FXN: variants seen among roughly 807,000 people sequenced by gnomAD.
FXN encodes frataxin.
A neutral mutation model predicts 22.4 loss-of-function variants in FXN; 14 were observed. The observed-to-expected ratio is 0.62, with a 90% CI of 0.41 to 0.98. The LOEUF (loss-of-function observed/expected upper bound fraction) is 0.98, where lower values mean the gene tolerates loss of function less well. Ranked by LOEUF, FXN falls within the 50% of genes least tolerant of loss-of-function variation. FXN has a pLI of 0.00. For synonymous variants in FXN, 120 were observed against 114.1 expected (o/e 1.05, Z -0.33); for missense variants, 267 against 268.4 (o/e 0.99, Z 0.04).
chr9:69,071,365 CT>C (rs1831385017), intron 4 of FXN: 2 of 501,058 alleles, frequency 4.0e-6, no homozygotes, highest in Non-Finnish European at 8.0e-6. Flanking sequence ...GCTTCCCTTC[CT>C]GGTGACCTCA....
intron 3 of FXN, among the ~76,000 whole-genome samples, chr9:69,062,809 G>A (rs1832100450): frequency 6.6e-6 from 1 of 151,896 alleles, no homozygotes; most frequent in African/African-American, 2.4e-5. Flanking sequence ...CTGCCCAGCA[G>A]TGTGAATATA....
rs967356637 is a variant in FXN at position 69,036,233 on chromosome 9, G to A, written c.165+286G>A. 5 of 227,008 alleles carry A rather than the reference G, an allele frequency of 2.2e-5. No individual in the cohort carries two copies. The East Asian group carries it at 5.1e-4, about 23-fold the overall frequency. 14.1% of individuals were successfully genotyped at this position (227,008 alleles called of 1,614,324 possible). On this transcript the variant is annotated intron_variant, in intron 1 of 4. Coordinates refer to ENST00000484259, the MANE Select transcript of FXN (RefSeq NM_000144.5). ...ACGGGCGAAGGCAGGGCAGGCTGGT[G>A]GAGGGGACCGGTTCCGAGGGGTGTG...
At chr9:69,064,003 A>G (rs1587827673) in intron 3 of FXN, among the ~76,000 whole-genome samples, 2 of 152,184 alleles carry the variant, frequency 1.3e-5, no homozygotes, top group African/African-American at 2.4e-5. Context: ...TGTGTTTGCA[A>G]AAGTGTGTTA....
chr9:69,038,747 G>A (rs1464217422), intron 1 of FXN, among the ~76,000 whole-genome samples: 1 of 152,078 alleles, frequency 6.6e-6, no homozygotes, highest in Non-Finnish European at 1.5e-5. Context: ...GAGCCCAGGA[G>A]GCAGAGGTTG....
At chr9:69,060,234 G>A (rs1832043308) in intron 3 of FXN, among the ~76,000 whole-genome samples, 1 of 152,158 alleles carries the variant, frequency 6.6e-6, no homozygotes, top group Non-Finnish European at 1.5e-5. Flanking sequence ...AGCTGGGCGT[G>A]GTGGTGGGCG....
In FXN at chr9:69,075,931, T is replaced by C. The variant is rs1832359274; in HGVS notation, c.*3169T>C. On this transcript the variant is annotated 3_prime_UTR_variant, in exon 5 of 5. Transcript: ENST00000484259. ...TGTTGCCCAGGCTGGTCTCTAACAC[T>C]TAGGCTCAAGTGATCCACCTGCCTC... The C allele has an allele frequency of 1.3e-6, 1 of 772,150 alleles. No individual in the cohort carries two copies. Among genetic ancestry groups the C allele is most frequent in the African/African-American group, 1.9e-5 (1 of 52,554 alleles). The allele number at this position is 772,150 out of a possible 1,614,324, so 47.8% of individuals were successfully genotyped here.
intron 1 of FXN, among the ~76,000 whole-genome samples, chr9:69,041,260 T>G (rs1831652652): frequency 6.6e-6 from 1 of 152,230 alleles, no homozygotes. Flanking sequence ...CAAGGTATTC[T>G]GCTGTATCTG....
rs143495270 is a variant in FXN at position 69,072,985 on chromosome 9, C to A, written c.*223C>A. The stretch of plus-strand genomic sequence containing the variant: ...TTCTATGGAAGATTTTTTGGATTGT[C>A]GGATTTCCTCCCTCACATGATACCC... On this transcript the variant is annotated 3_prime_UTR_variant, in exon 5 of 5. Transcript: ENST00000484259. 2.9e-5 allele frequency: 42 copies of A among 1,430,374 alleles called. No individual in the cohort carries two copies. The highest frequency in any genetic ancestry group is 3.8e-5 in the Non-Finnish European group (42 of 1,099,702). The allele number at this position is 1,430,374 out of a possible 1,614,324, so 88.6% of individuals were successfully genotyped here.
Position 69,077,105 on chromosome 9 carries a change from G to C in FXN, c.*4343G>C, listed in dbSNP as rs1832384790. The C allele has an allele frequency of 2.1e-6, 1 of 483,044 alleles. No individual in the cohort carries two copies. The highest frequency in any genetic ancestry group is 2.7e-6 in the Non-Finnish European group (1 of 371,190). The allele number at this position is 483,044 out of a possible 1,614,324, so 29.9% of individuals were successfully genotyped here. On this transcript the variant is annotated 3_prime_UTR_variant, in exon 5 of 5. Transcript: ENST00000484259. ...ATTTTTGTATTTTTAGTAGAGACGG[G>C]GTTTCACCATCATGGCCAGGCTGGT...
chr9:69,037,682 G>GT (rs939088937), intron 1 of FXN, among the ~76,000 whole-genome samples: 1 of 151,856 alleles, frequency 6.6e-6, no homozygotes, highest in African/African-American at 2.4e-5. Context: ...GTTTTGTTTT[G>GT]TTTTTTTGAG....
In FXN at chr9:69,073,031, A is replaced by G; in HGVS notation, c.*269A>G. 7.3e-7 allele frequency: 1 copy of G among 1,371,686 alleles called. No homozygotes were observed. The highest frequency in any genetic ancestry group is 9.4e-7 in the Non-Finnish European group (1 of 1,063,424). The allele number at this position is 1,371,686 out of a possible 1,614,324, so 85.0% of individuals were successfully genotyped here. The stretch of plus-strand genomic sequence containing the variant: ...TACCCCTTATCTTTTATAATGTCTT[A>G]TGCCTATACCTGAATATAACAACCT... On this transcript the variant is annotated 3_prime_UTR_variant, in exon 5 of 5. Coordinates refer to ENST00000484259, the MANE Select transcript of FXN (RefSeq NM_000144.5).
At chr9:69,055,100 G>A (rs1211530275) in intron 3 of FXN, among the ~76,000 whole-genome samples, 1 of 152,232 alleles carries the variant, frequency 6.6e-6, no homozygotes, top group Non-Finnish European at 1.5e-5. Context: ...CTTTCAAGTA[G>A]ATTCAGTAAT....
chr9:69,042,082 A>G (rs988016720), intron 1 of FXN, among the ~76,000 whole-genome samples: 1 of 152,132 alleles, frequency 6.6e-6, no homozygotes, highest in African/African-American at 2.4e-5. Context: ...TCCTAAAAAC[A>G]CAAAAATTAG....
rs549923791 is a variant in FXN, at chr9:69,073,803, AT to A, written c.*1042del. On this transcript the variant is annotated 3_prime_UTR_variant, in exon 5 of 5. Coordinates refer to ENST00000484259, the MANE Select transcript of FXN (RefSeq NM_000144.5). ...AATTCCCTATTGGGTAGATGAGGGG[AT>A]GACAAAGAACAGTTTTTAAGCTATA... 232 of 985,308 alleles carry A rather than the reference AT, an allele frequency of 2.4e-4. 1 individual carries two copies. The African/African-American group carries it at 3.7e-3, about 16-fold the overall frequency. The allele number at this position is 985,308 out of a possible 1,614,324, so 61.0% of individuals were successfully genotyped here.
chr9:69,077,203 C>A lies in FXN; in HGVS notation c.*4441C>A. Reference sequence around the variant, plus strand: ...CTGGGATTACAGGCGTGAGCCACTGCACCCAGCCAGAAATGCCTTCTAATC... The same window carrying A: ...CTGGGATTACAGGCGTGAGCCACTGAACCCAGCCAGAAATGCCTTCTAATC... On this transcript the variant is annotated 3_prime_UTR_variant, in exon 5 of 5. Transcript: ENST00000484259. 2 of 983,876 alleles carry A rather than the reference C, an allele frequency of 2.0e-6. No homozygotes were observed. Among genetic ancestry groups the A allele is most frequent in the Non-Finnish European group, 2.4e-6 (2 of 828,552 alleles). The allele number at this position is 983,876 out of a possible 1,614,324, so 60.9% of individuals were successfully genotyped here. A position where few individuals can be genotyped will look rare whatever the true frequency, so the allele number is the denominator to read the frequency against.
chr9:69,054,934 T>A (rs1831927797), intron 3 of FXN, among the ~76,000 whole-genome samples: 1 of 152,168 alleles, frequency 6.6e-6, no homozygotes, highest in Non-Finnish European at 1.5e-5. Context: ...ATAGAAATAG[T>A]ATTGGAAATT....
intron 1 of FXN, among the ~76,000 whole-genome samples, chr9:69,037,714 C>T (rs2133090918): frequency 6.6e-6 from 1 of 152,230 alleles, no homozygotes; most frequent in South Asian, 2.1e-4. Flanking sequence ...CTCTTGTTGC[C>T]CAGGCTGGAG....
At chr9:69,062,853 T>C (rs1832100977) in intron 3 of FXN, among the ~76,000 whole-genome samples, 2 of 151,234 alleles carry the variant, frequency 1.3e-5, no homozygotes, top group South Asian at 4.2e-4. Context: ...ATGGTTAATA[T>C]GGTAAATTTA....
At chr9:69,070,988 GTTTT>G (rs1387795292) in intron 4 of FXN, among the ~76,000 whole-genome samples, 22 of 151,836 alleles carry the variant, frequency 1.4e-4, no homozygotes, top group African/African-American at 4.1e-4. Flanking sequence ...TTGTTTGTTT[GTTTT>G]TTTTAATTTG....
Sources: allele counts gnomAD v4.1 joint callset (sites outside exome capture counted in the v4.1 genomes callset), GRCh38; gene constraint gnomAD v4.1.1; transcripts MANE v1.5; gene names NCBI Gene and HGNC (gene_info 2026-07-23, HGNC 2026-07-21).